Variants in ZMYM2 observed in about 807,000 individuals in gnomAD.
ZMYM2 encodes the protein zinc finger MYM-type containing 2, also known as zinc finger MYM-type protein 2.
A neutral mutation model predicts 162.8 loss-of-function variants in ZMYM2; 56 were observed. That is an observed-to-expected ratio of 0.34 (90% CI 0.28 to 0.43). The LOEUF (loss-of-function observed/expected upper bound fraction) is 0.43, where lower values mean the gene tolerates loss of function less well. ZMYM2 is among the 20% of genes least tolerant of loss of function. The probability of loss-of-function intolerance (pLI) is 1.00; values close to 1 mark genes in which losing one functional copy is unlikely to be tolerated. For synonymous variants in ZMYM2, 510 were observed against 541.6 expected, an observed-to-expected ratio of 0.94 and a Z score of 0.81; for missense variants, 1,275 against 1,621.8, an observed-to-expected ratio of 0.79 and a Z score of 3.67.
intron 22 of ZMYM2, 24 bp downstream of exon 22, chr13:20,082,154 G>A: frequency 6.7e-7 from 1 of 1,499,828 alleles, no homozygotes; most frequent in African/African-American, 1.4e-5. Flanking sequence ...CACTAAAGGT[G>A]TTGCTCTCTT....
chr13:19,949,050 G>C, the ZMYM2 span, among the ~76,000 whole-genome samples: 10 of 151,512 alleles, frequency 6.6e-5, no homozygotes, highest in Admixed American at 2.6e-4. Context: ...CAGGAGGATT[G>C]CTTGAGCTGA....
chr13:20,046,089 A>C (rs1954756076), intron 12 of ZMYM2, among the ~76,000 whole-genome samples: 1 of 151,786 alleles, frequency 6.6e-6, no homozygotes, highest in African/African-American at 2.4e-5. Context: ...AAAAAAAAAA[A>C]AAAAAGTTAA....
intron 3 of ZMYM2, among the ~76,000 whole-genome samples, chr13:19,998,053 T>G (rs1408331769): frequency 6.6e-6 from 1 of 152,188 alleles, no homozygotes; most frequent in Non-Finnish European, 1.5e-5. Flanking sequence ...TGTAAACTCG[T>G]CATCAGAAAA....
chr13:20,052,616 T>A (rs1955466035), intron 14 of ZMYM2, among the ~76,000 whole-genome samples: 1 of 152,194 alleles, frequency 6.6e-6, no homozygotes, highest in African/African-American at 2.4e-5. Flanking sequence ...TGTTTGAAAT[T>A]AAGACAATGG....
At chr13:20,046,349 C>G (rs564527375) in intron 12 of ZMYM2, among the ~76,000 whole-genome samples, 2 of 151,470 alleles carry the variant, frequency 1.3e-5, no homozygotes, top group Admixed American at 1.3e-4. Flanking sequence ...GAGTTCTAGT[C>G]CAGCCTGGGC....
At chr13:20,024,589 A>G (rs757747684) in intron 7 of ZMYM2, 2 of 224,656 alleles carry the variant, frequency 8.9e-6, no homozygotes, top group Admixed American at 5.7e-5. Context: ...ACTAATTTGT[A>G]CTGTAGTTTC....
chr13:19,947,350 A>C, the ZMYM2 span, among the ~76,000 whole-genome samples: 1 of 151,606 alleles, frequency 6.6e-6, no homozygotes, highest in South Asian at 2.1e-4. Context: ...GTGAGCCACC[A>C]CGCCCAGCCC....
At chr13:19,982,426 T>A (rs1412666091) in intron 2 of ZMYM2, among the ~76,000 whole-genome samples, 2 of 151,866 alleles carry the variant, frequency 1.3e-5, no homozygotes, top group East Asian at 3.9e-4. Flanking sequence ...TAGCCGAGAT[T>A]ACAGGTGTGC....
the ZMYM2 span, among the ~76,000 whole-genome samples, chr13:19,912,799 A>G: frequency 3.9e-5 from 6 of 151,982 alleles, no homozygotes; most frequent in Admixed American, 3.9e-4. Flanking sequence ...TATGACAAAA[A>G]CTCAGGGGGC....
At chr13:20,033,689 T>G (rs180949887) in intron 10 of ZMYM2, among the ~76,000 whole-genome samples, 15 of 152,316 alleles carry the variant, frequency 9.8e-5, no homozygotes, top group South Asian at 6.2e-4. Flanking sequence ...GCTCTGGCTA[T>G]TGTGGGTTTG....
chr13:19,992,997 G>A (rs1949745426), intron 2 of ZMYM2, 66 bp from the exon 3 acceptor site: 4 of 1,480,270 alleles, frequency 2.7e-6, no homozygotes, highest in Non-Finnish European at 3.6e-6. Context: ...TAAATCAATG[G>A]TTTCAGTTAG....
chr13:19,888,260 C>T, the ZMYM2 span, among the ~76,000 whole-genome samples: 1 of 151,776 alleles, frequency 6.6e-6, no homozygotes, highest in Admixed American at 6.6e-5. Flanking sequence ...GTGATCACAA[C>T]TCACCGCAGT....
At chr13:19,922,056 G>A in the ZMYM2 span, among the ~76,000 whole-genome samples, 1 of 152,106 alleles carries the variant, frequency 6.6e-6, no homozygotes, top group Non-Finnish European at 1.5e-5. Context: ...TGGGATCACA[G>A]GCACGCACCA....
intron 15 of ZMYM2, chr13:20,058,936 A>G (rs1445895642): frequency 1.6e-6 from 1 of 635,392 alleles, no homozygotes; most frequent in East Asian, 3.2e-5. Context: ...GTCAAAAGTG[A>G]AAAAATACTA....
intron 14 of ZMYM2, 52 bp from the exon 15 acceptor site, chr13:20,058,523 G>T: frequency 6.3e-7 from 1 of 1,578,586 alleles, no homozygotes. Context: ...ACACTAGGAA[G>T]TATTGAAAAT....
chr13:19,923,726 A>C, the ZMYM2 span, among the ~76,000 whole-genome samples: 1 of 134,494 alleles, frequency 7.4e-6, no homozygotes, highest in African/African-American at 2.8e-5. Context: ...GCTGGAGTGC[A>C]GTGGCATGAT....
In ZMYM2 at chr13:19,965,165, A is replaced by T. The variant is rs7997935; in HGVS notation, c.-11+5139A>T. On this transcript the variant is annotated intron_variant, in intron 2 of 24. Transcript: ENST00000610343. ...CACAGTTAGAAGTTGCAGACAGAAT[A>T]ATGTTTGTAAAATGTGACTATAATA... 1.9e-3 allele frequency: 1,948 copies of T among 1,046,646 alleles called. 23 individuals carry two copies. The African/African-American group carries it at 0.029, about 15-fold the overall frequency. 64.8% of individuals were successfully genotyped at this position (1,046,646 alleles called of 1,614,324 possible). A position where few individuals can be genotyped will look rare whatever the true frequency, so the allele number is the denominator to read the frequency against.
the ZMYM2 span, among the ~76,000 whole-genome samples, chr13:19,865,511 T>C: frequency 6.6e-6 from 1 of 152,204 alleles, no homozygotes; most frequent in Non-Finnish European, 1.5e-5. Flanking sequence ...TTACATGTAA[T>C]GTCATCATTT....
intron 21 of ZMYM2, among the ~76,000 whole-genome samples, chr13:20,079,750 T>A (rs946398847): frequency 5.9e-5 from 9 of 152,198 alleles, no homozygotes; most frequent in African/African-American, 2.2e-4. Flanking sequence ...CGCACTTCAT[T>A]TAGGAACTGC....
Sources: allele counts gnomAD v4.1 joint callset (sites outside exome capture counted in the v4.1 genomes callset), GRCh38; gene constraint gnomAD v4.1.1; transcripts MANE v1.5; gene names NCBI Gene and HGNC (gene_info 2026-07-23, HGNC 2026-07-21).